The following RYR2 variants were observed in gnomAD, a reference collection of about 807,000 sequenced individuals.
The protein encoded by RYR2 is ryanodine receptor 2.
In RYR2, 227 loss-of-function variants were observed where a neutral mutation model predicts 601.1. The ratio of observed to expected loss-of-function variants is 0.38; its 90% CI spans 0.34 to 0.42. The LOEUF (loss-of-function observed/expected upper bound fraction) is 0.42. Among genes scored for constraint, RYR2 ranks in the 10% least tolerant of loss-of-function variants. The pLI is 1.00. For synonymous variants in RYR2, 2,223 were observed against 2,175.1 expected (o/e 1.02, Z -0.61); for missense variants, 4,646 against 6,156.5 (o/e 0.75, Z 8.21).
At chr1:237,357,088 GA>G (rs1384461889) in intron 4 of RYR2, among the ~76,000 whole-genome samples, 1 of 151,824 alleles carries the variant, frequency 6.6e-6, no homozygotes, top group East Asian at 1.9e-4. Context: ...TAAAGACAAG[GA>G]AACTTGTTTT....
intron 51 of RYR2, among the ~76,000 whole-genome samples, chr1:237,654,034 A>G (rs1377579890): frequency 6.6e-6 from 1 of 152,176 alleles, no homozygotes; most frequent in African/African-American, 2.4e-5. Context: ...CAACCCCCTC[A>G]CAGACACACC....
chr1:237,566,380 T>C (rs1672086815), intron 27 of RYR2, among the ~76,000 whole-genome samples, 187 bp from the exon 28 acceptor site: 1 of 152,178 alleles, frequency 6.6e-6, no homozygotes, highest in Non-Finnish European at 1.5e-5. Flanking sequence ...GGTCTGACAG[T>C]GGCTGATCCT....
chr1:237,804,297 C>T (rs1382752280), intron 98 of RYR2, among the ~76,000 whole-genome samples: 2 of 109,124 alleles, frequency 1.8e-5, no homozygotes, highest in African/African-American at 6.4e-5. Context: ...CCCAAGCAAA[C>T]TCTGTTTAGT....
intron 24 of RYR2, among the ~76,000 whole-genome samples, chr1:237,522,740 G>A (rs1311850575): frequency 6.6e-6 from 1 of 152,038 alleles, no homozygotes; most frequent in Non-Finnish European, 1.5e-5. Context: ...CTACCTACAG[G>A]GTGCCTCACA....
At position 237,417,138 on chromosome 1, in the gene RYR2, T is replaced by A. The variant is rs751643503; in HGVS notation, c.848+15T>A. On this transcript the variant is annotated intron_variant, in intron 11 of 104. Transcript: ENST00000366574. The stretch of plus-strand genomic sequence containing the variant: ...CTAAGAGTTGCGTAAGTAGAACTTC[T>A]AAACACAGCCTAATGCACCAAGTGT... 6.2e-7 allele frequency: 1 copy of A among 1,600,792 alleles called. No homozygotes were observed. Among genetic ancestry groups the A allele is most frequent in the East Asian group, 2.2e-5 (1 of 44,814 alleles).
chr1:237,072,818 G>A (rs1022359597), intron 1 of RYR2, among the ~76,000 whole-genome samples: 4 of 151,922 alleles, frequency 2.6e-5, no homozygotes, highest in African/African-American at 9.7e-5. Flanking sequence ...CGTGGTGGCA[G>A]TCACCTGTAA....
At chr1:237,360,061 T>C (rs1397465187) in intron 4 of RYR2, among the ~76,000 whole-genome samples, 1 of 152,242 alleles carries the variant, frequency 6.6e-6, no homozygotes, top group Non-Finnish European at 1.5e-5. Flanking sequence ...CCATAATCAT[T>C]TCAAATGTTT....
intron 24 of RYR2, among the ~76,000 whole-genome samples, chr1:237,518,992 G>C (rs1236045405): frequency 6.6e-6 from 1 of 152,014 alleles, no homozygotes; most frequent in Non-Finnish European, 1.5e-5. Flanking sequence ...CATCCCACCT[G>C]GGTTTTAGTT....
intron 56 of RYR2, among the ~76,000 whole-genome samples, chr1:237,664,500 A>G (rs962105263): frequency 6.6e-6 from 1 of 152,228 alleles, no homozygotes; most frequent in Admixed American, 6.5e-5. Flanking sequence ...TAACAGGCAC[A>G]TCTCACATGG....
At chr1:237,432,109 T>TTA (rs535979283) in intron 12 of RYR2, among the ~76,000 whole-genome samples, 1,766 of 151,332 alleles carry the variant, frequency 0.012, 43 homozygotes, top group African/African-American at 0.04. Flanking sequence ...CTTTTTTTTT[T>TTA]ATTCATTTCT....
chr1:237,682,692 C>G (rs1409036612), intron 62 of RYR2, among the ~76,000 whole-genome samples: 1 of 152,038 alleles, frequency 6.6e-6, no homozygotes, highest in Non-Finnish European at 1.5e-5. Context: ...GACTGAATCC[C>G]CATCATTAAA....
intron 36 of RYR2, among the ~76,000 whole-genome samples, chr1:237,613,192 T>C (rs1057408017): frequency 2.0e-5 from 3 of 152,192 alleles, no homozygotes; most frequent in African/African-American, 7.2e-5. Context: ...AAGTGTGCAA[T>C]GGTGGTAGAT....
intron 2 of RYR2, among the ~76,000 whole-genome samples, chr1:237,326,375 C>T (rs937180304): frequency 1.3e-5 from 2 of 152,106 alleles, no homozygotes; most frequent in African/African-American, 4.8e-5. Context: ...GGTGTTGTCT[C>T]CATATGAAAA....
At chr1:237,746,532 A>G (rs1558332863) in intron 80 of RYR2, among the ~76,000 whole-genome samples, 2 of 152,170 alleles carry the variant, frequency 1.3e-5, no homozygotes, top group African/African-American at 4.8e-5. Context: ...TTCTTCTTCC[A>G]TCATATATAT....
At chr1:237,092,603 C>T (rs761256806) in intron 1 of RYR2, among the ~76,000 whole-genome samples, 1 of 149,090 alleles carries the variant, frequency 6.7e-6, no homozygotes, top group Admixed American at 6.7e-5. Flanking sequence ...GATTTCGGCT[C>T]ACTGCAACCT....
At chr1:237,235,415 C>G (rs1685457180) in intron 1 of RYR2, among the ~76,000 whole-genome samples, 1 of 152,190 alleles carries the variant, frequency 6.6e-6, no homozygotes, top group South Asian at 2.1e-4. Flanking sequence ...CTGATCTTGG[C>G]ATTACCAATC....
intron 77 of RYR2, among the ~76,000 whole-genome samples, chr1:237,731,538 C>G (rs1017445864): frequency 4.6e-5 from 7 of 152,020 alleles, no homozygotes; most frequent in Non-Finnish European, 1.0e-4. Flanking sequence ...CTTGGGGTGA[C>G]TCAGGATTTT....
In RYR2 at chr1:237,733,747, T is replaced by C; in HGVS notation, c.11082T>C (p.Ile3694=). Residue 3694 remains isoleucine (I), a synonymous_variant, in exon 79 of 105, where the codon ATT becomes ATC. Coordinates refer to ENST00000366574, the MANE Select transcript of RYR2 (RefSeq NM_001035.3). ...TTTTATATATGGCCTATGCAGATAT[T>C]ATGGCAAAGGTAAATAAGTATCCTT... ...EDFLYMAYAD[I]MAKSCHDEED... 1 of 1,602,848 alleles carries C rather than the reference T, an allele frequency of 6.2e-7. No individual in the cohort carries two copies. Among genetic ancestry groups the C allele is most frequent in the Non-Finnish European group, 8.5e-7 (1 of 1,170,760 alleles).
chr1:237,109,540 C>T (rs965435124), intron 1 of RYR2, among the ~76,000 whole-genome samples: 1 of 152,106 alleles, frequency 6.6e-6, no homozygotes, highest in Admixed American at 6.5e-5. Context: ...CTGAATCTCC[C>T]GAAGGGCCTC....
Sources: allele counts gnomAD v4.1 joint callset (sites outside exome capture counted in the v4.1 genomes callset), GRCh38; gene constraint gnomAD v4.1.1; transcripts MANE v1.5; gene names NCBI Gene and HGNC (gene_info 2026-07-23, HGNC 2026-07-21).